NCOA7: variants seen among roughly 807,000 people sequenced by gnomAD.
The protein encoded by NCOA7 is 140 kDa estrogen receptor-associated protein.
NCOA7 carries 45 observed loss-of-function variants against 104.3 expected under a neutral mutation model. The ratio of observed to expected loss-of-function variants is 0.43; its 90% CI spans 0.34 to 0.55. NCOA7 has a LOEUF of 0.55. Among genes scored for constraint, NCOA7 ranks in the 20% least tolerant of loss-of-function variants. The pLI, the probability that NCOA7 is intolerant of heterozygous loss-of-function variation, is 0.02. For synonymous variants in NCOA7, 398 were observed against 402.3 expected, an observed-to-expected ratio of 0.99 and a Z score of 0.13; for missense variants, 1,041 against 1,119.7, an observed-to-expected ratio of 0.93 and a Z score of 1.00.
intron 8 of NCOA7, among the ~76,000 whole-genome samples, chr6:125,888,250 T>C (rs1583467107): frequency 6.6e-6 from 1 of 152,208 alleles, no homozygotes; most frequent in South Asian, 2.1e-4. Context: ...GTACTATACA[T>C]AAGAGCTTTT....
intron 2 of NCOA7, among the ~76,000 whole-genome samples, chr6:125,818,581 G>A (rs529186536): frequency 2.0e-4 from 30 of 152,096 alleles, no homozygotes; most frequent in Non-Finnish European, 4.1e-4. Context: ...AGCAGGGAGA[G>A]AGAGAAAGAG....
chr6:125,781,696 T>G (rs1332062927), intron 1 of NCOA7, among the ~76,000 whole-genome samples: 1 of 152,212 alleles, frequency 6.6e-6, no homozygotes, highest in African/African-American at 2.4e-5. Context: ...TAGTTTAAAT[T>G]TGTATAGGTT....
Position 125,878,286 on chromosome 6 carries a change from C to G in NCOA7, c.375C>G (p.Asn125Lys). The change falls in exon 5 of 16, where the codon AAC becomes AAG. Residue 125 changes from asparagine to lysine, a missense_variant. Asn to Lys is a moderately conservative substitution (Grantham distance 94). Around this residue, in one of 2 missense-constraint regions of NCOA7, gnomAD observed 914 missense variants for 942.7 expected, o/e 0.97. Transcript: ENST00000392477. ...EYTAGNQDTLNSIALKFNITP... is the reference protein window; with the variant it reads ...EYTAGNQDTLKSIALKFNITP... The stretch of plus-strand genomic sequence containing the variant: ...AGGCTGGAAACCAGGACACCCTAAA[C>G]TCCATAGCACTGAAATTTAACATCA... 6.2e-7 allele frequency: 1 copy of G among 1,611,684 alleles called. No homozygotes were observed. The highest frequency in any genetic ancestry group is 8.5e-7 in the Non-Finnish European group (1 of 1,178,932).
intron 1 of NCOA7, among the ~76,000 whole-genome samples, chr6:125,784,079 G>A (rs918139228): frequency 3.9e-5 from 6 of 152,158 alleles, no homozygotes; most frequent in Non-Finnish European, 8.8e-5. Context: ...ATCTTATAGA[G>A]TGCCAATTTC....
rs1235404801 is a variant in NCOA7 at position 125,890,678 on chromosome 6, C to T, written c.1964C>T (p.Pro655Leu). ...TCAAAAGAAGAAAAAAGCAAGACCC[C>T]ACCCATGTTCCTGTGCATCAAAGTG... ...LPSKEEKSKT[P>L]PMFLCIKVGK... Residue 655 changes from proline to leucine, a missense_variant, in exon 10 of 16, where the codon CCA becomes CTA. Coordinates refer to ENST00000392477, the MANE Select transcript of NCOA7 (RefSeq NM_181782.5). 6.2e-7 allele frequency: 1 copy of T among 1,613,306 alleles called. No homozygotes were observed. Among genetic ancestry groups the T allele is most frequent in the Non-Finnish European group, 8.5e-7 (1 of 1,179,712 alleles).
intron 10 of NCOA7, among the ~76,000 whole-genome samples, chr6:125,903,882 A>G (rs1051636727): frequency 6.6e-6 from 1 of 151,698 alleles, no homozygotes; most frequent in Non-Finnish European, 1.5e-5. Context: ...ATTTTTTTCT[A>G]ATTTTAGTAG....
chr6:125,867,256 A>C (rs562987007), intron 3 of NCOA7, among the ~76,000 whole-genome samples: 1 of 152,352 alleles, frequency 6.6e-6, no homozygotes, highest in East Asian at 1.9e-4. Context: ...TTCTTTACAC[A>C]GACAATTATG....
At chr6:125,906,447 C>T (rs765982850) in intron 10 of NCOA7, among the ~76,000 whole-genome samples, 2 of 152,150 alleles carry the variant, frequency 1.3e-5, no homozygotes, top group Non-Finnish European at 2.9e-5. Flanking sequence ...CCAAGATTAG[C>T]TGCCTTTGTA....
intron 15 of NCOA7, 62 bp downstream of exon 15, chr6:125,928,309 G>C: frequency 1.4e-6 from 2 of 1,438,712 alleles, no homozygotes; most frequent in Non-Finnish European, 1.9e-6. Context: ...GAGTGGGTCT[G>C]TTTTGACCTA....
chr6:125,797,110 T>C (rs1775411923), intron 1 of NCOA7, among the ~76,000 whole-genome samples: 1 of 152,154 alleles, frequency 6.6e-6, no homozygotes, highest in African/African-American at 2.4e-5. Context: ...CTGTAGTTGG[T>C]ACATAAAGGG....
At position 125,915,343 on chromosome 6, in the gene NCOA7, T is replaced by G; in HGVS notation, c.2107T>G (p.Leu703Val). The change falls in exon 11 of 16, where the codon TTG becomes GTG. Residue 703 changes from leucine to valine, a missense_variant. This residue lies in a region of NCOA7 where 914 missense variants were observed against 942.7 expected (regional missense o/e 0.97). Transcript: ENST00000392477. ...FAVPRERVDH[L>V]YTFFVQWSPD... ...AAACGTGTTTTTCAGGGTGGATCAT[T>G]TGTACACATTCTTTGTTCAGTGGTC... 6.2e-7 allele frequency: 1 copy of G among 1,613,762 alleles called. No homozygotes were observed. The highest frequency in any genetic ancestry group is 8.5e-7 in the Non-Finnish European group (1 of 1,179,692).
At chr6:125,927,209 C>T (rs758047916) in intron 13 of NCOA7, among the ~76,000 whole-genome samples, 1 of 152,158 alleles carries the variant, frequency 6.6e-6, no homozygotes, top group Non-Finnish European at 1.5e-5. Flanking sequence ...TTTATTTTCT[C>T]TGGGGAAATG....
In NCOA7 at chr6:125,928,732, C is replaced by A. The variant is rs1433111554; in HGVS notation, c.2790C>A (p.Asp930Glu). 1 of 1,613,256 alleles carries A rather than the reference C, an allele frequency of 6.2e-7. No homozygotes were observed. Among genetic ancestry groups the A allele is most frequent in the African/African-American group, 1.3e-5 (1 of 74,744 alleles). Reference protein sequence around the residue: ...FNNDILSKKEDFIVQDLEVWA... With the variant: ...FNNDILSKKEEFIVQDLEVWA... The stretch of plus-strand genomic sequence containing the variant: ...ATGATATTCTTTCCAAAAAGGAAGA[C>A]TTCATAGTTCAGGATCTGGAGGTGT... The change falls in exon 16 of 16, where the codon GAC becomes GAA. Residue 930 changes from aspartate (D) to glutamate (E), a missense_variant. Asp to Glu is a conservative substitution (Grantham distance 45). This residue lies in a region of NCOA7 where 127 missense variants were observed against 177.0 expected (regional missense o/e 0.72). Coordinates refer to ENST00000392477, the MANE Select transcript of NCOA7 (RefSeq NM_181782.5).
intron 6 of NCOA7, 150 bp downstream of exon 6, chr6:125,881,353 A>G (rs573326406): frequency 8.8e-6 from 6 of 678,742 alleles, no homozygotes; most frequent in East Asian, 8.4e-5. Context: ...TCTCCAAGGG[A>G]AACTTATTCA....
chr6:125,857,558 C>T (rs1373245634), intron 3 of NCOA7, among the ~76,000 whole-genome samples: 4 of 151,622 alleles, frequency 2.6e-5, no homozygotes, highest in Admixed American at 2.6e-4. Context: ...CCTTGGCCTC[C>T]CAAAGCATTT....
chr6:125,911,700 C>T (rs1786569197), intron 10 of NCOA7, among the ~76,000 whole-genome samples: 1 of 152,032 alleles, frequency 6.6e-6, no homozygotes, highest in East Asian at 1.9e-4. Context: ...TAGAGAGGAG[C>T]TGAGTCAGAA....
intron 2 of NCOA7, among the ~76,000 whole-genome samples, chr6:125,829,330 A>G (rs1267125571): frequency 6.6e-6 from 1 of 152,214 alleles, no homozygotes; most frequent in Non-Finnish European, 1.5e-5. Context: ...CCTTGGTGGT[A>G]TTAAGTTTTT....
intron 3 of NCOA7, among the ~76,000 whole-genome samples, chr6:125,860,122 A>C (rs1032943853): frequency 6.6e-6 from 1 of 152,168 alleles, no homozygotes; most frequent in Non-Finnish European, 1.5e-5. Flanking sequence ...TCGTGCTTTC[A>C]TTTGTGTTTA....
chr6:125,875,036 C>A, intron 4 of NCOA7, 68 bp downstream of exon 4: 1 of 1,195,524 alleles, frequency 8.4e-7, no homozygotes, highest in Non-Finnish European at 1.2e-6. Context: ...TTTTCCCTGA[C>A]ACATCCTGCC....
Sources: allele counts gnomAD v4.1 joint callset (sites outside exome capture counted in the v4.1 genomes callset), GRCh38; gene constraint gnomAD v4.1.1; regional missense constraint gnomAD v4.1.1; transcripts MANE v1.5; gene names NCBI Gene and HGNC (gene_info 2026-07-23, HGNC 2026-07-21).